PRH1: variants seen among roughly 807,000 people sequenced by gnomAD.
PRH1 encodes salivary acidic proline-rich phosphoprotein 1/2.
Under a neutral mutation model 7.9 loss-of-function variants are expected in PRH1, and 7 were observed. That is an observed-to-expected ratio of 0.89 (90% confidence interval 0.50 to 1.67). The LOEUF (loss-of-function observed/expected upper bound fraction) is 1.67. PRH1 is among the 40% of genes most tolerant of loss of function. PRH1 has a pLI of 0.00. For missense variants in PRH1, 109 were observed against 223.6 expected (o/e 0.49, Z 3.27); for synonymous variants, 45 against 80.8 (o/e 0.56, Z 2.38).
intron 1 of PRH1, among the ~76,000 whole-genome samples, chr12:11,027,348 C>CT (rs2136088883): frequency 6.6e-6 from 1 of 150,892 alleles, no homozygotes; most frequent in East Asian, 1.9e-4. Flanking sequence ...GTAAAATACT[C>CT]TAACGATGAA....
chr12:11,037,379 G>A (rs1293471107), intron 1 of PRH1, among the ~76,000 whole-genome samples: 8 of 152,162 alleles, frequency 5.3e-5, no homozygotes, highest in Admixed American at 2.6e-4. Context: ...TAAAAAATTT[G>A]CCTTTCTATG....
intron 1 of PRH1, among the ~76,000 whole-genome samples, chr12:10,992,973 A>C (rs1940015193): frequency 1.3e-5 from 2 of 152,186 alleles, no homozygotes; most frequent in African/African-American, 4.8e-5. Context: ...GCATTGTCCA[A>C]GGAATAGAAT....
At chr12:11,060,977 C>T (rs1203732244) in intron 1 of PRH1, among the ~76,000 whole-genome samples, 4 of 152,202 alleles carry the variant, frequency 2.6e-5, no homozygotes, top group Admixed American at 1.3e-4. Flanking sequence ...AATGTCTTTC[C>T]TGAGATAAGC....
At chr12:11,131,369 T>G (rs1480452936) in intron 1 of PRH1, among the ~76,000 whole-genome samples, 2 of 149,684 alleles carry the variant, frequency 1.3e-5, no homozygotes, top group East Asian at 2.0e-4. Flanking sequence ...ACATCGGTTC[T>G]TGTCTCAATT....
rs183174341 is a variant in PRH1 at position 10,909,471 on chromosome 12, T to C, written c.-58-25196A>G. The C allele has an allele frequency of 1.4e-3, 842 of 596,416 alleles. 1 individual carries two copies. The highest frequency in any genetic ancestry group is 2.1e-3 in the Non-Finnish European group (706 of 330,388). 36.9% of individuals were successfully genotyped at this position (596,416 alleles called of 1,614,324 possible). On this transcript the variant is annotated intron_variant, in intron 2 of 3. Coordinates refer to the PRH1 transcript ENST00000539853. ...GAAATCTCTAAAGTTTGCTGATCGA[T>C]CTTCACATAACTGTTCTGGTGATAT...
At chr12:10,923,093 G>C (rs1188412584) in intron 2 of PRH1, among the ~76,000 whole-genome samples, 1 of 150,350 alleles carries the variant, frequency 6.7e-6, no homozygotes, top group Non-Finnish European at 1.5e-5. Flanking sequence ...CTCCCAAAGT[G>C]CTGGGATTAC....
At position 10,985,869 on chromosome 12, in the gene PRH1, T is replaced by G. The variant is rs1411513357; in HGVS notation, c.-125-12148A>C. ...AGAAAAAACAGTAAAAAGTATAAAA[T>G]GTTCCAGACACTATCAGTTTGTTTT... On this transcript the variant is annotated intron_variant, in intron 1 of 3. Coordinates refer to the PRH1 transcript ENST00000539853. The G allele has an allele frequency of 5.4e-6, 7 of 1,302,538 alleles. No homozygotes were observed. The East Asian group carries it at 1.6e-4, about 30-fold the overall frequency. The allele number at this position is 1,302,538 out of a possible 1,614,324, so 80.7% of individuals were successfully genotyped here.
intron 1 of PRH1, among the ~76,000 whole-genome samples, chr12:10,983,192 G>T: frequency 6.6e-6 from 1 of 152,194 alleles, no homozygotes; most frequent in Non-Finnish European, 1.5e-5. Flanking sequence ...CGAATTAGTG[G>T]AAGACTATTC....
At chr12:11,144,614 T>C (rs938563560) in intron 1 of PRH1, among the ~76,000 whole-genome samples, 3 of 152,226 alleles carry the variant, frequency 2.0e-5, no homozygotes, top group African/African-American at 7.2e-5. Context: ...GCCAGGAGGC[T>C]TCTTGACCAG....
intron 2 of PRH1, among the ~76,000 whole-genome samples, chr12:10,942,997 G>C (rs370189212): frequency 3.3e-5 from 5 of 152,158 alleles, no homozygotes. Context: ...GTTGTGTTTG[G>C]GGGCAGAGGA....
At chr12:10,907,265 T>C (rs527471212) in intron 2 of PRH1, among the ~76,000 whole-genome samples, 7 of 152,280 alleles carry the variant, frequency 4.6e-5, no homozygotes, top group Admixed American at 2.6e-4. Flanking sequence ...AGTGAGGAAA[T>C]TGTATATCCA....
chr12:11,074,786 T>C (rs1451763234), intron 1 of PRH1, among the ~76,000 whole-genome samples: 1 of 115,502 alleles, frequency 8.7e-6, no homozygotes, highest in East Asian at 2.1e-4. Flanking sequence ...AAAATAACTT[T>C]GGCCAAAGGT....
intron 1 of PRH1, among the ~76,000 whole-genome samples, chr12:11,053,692 A>G (rs1327319729): frequency 6.6e-6 from 1 of 152,288 alleles, no homozygotes; most frequent in Non-Finnish European, 1.5e-5. Flanking sequence ...AGATGATGAT[A>G]ATAATGATGA....
At chr12:11,103,783 GCA>G (rs1475065422) in intron 1 of PRH1, among the ~76,000 whole-genome samples, 1 of 152,012 alleles carries the variant, frequency 6.6e-6, no homozygotes, top group African/African-American at 2.4e-5. Context: ...AAATTTCTAA[GCA>G]CACAATAAAT....
intron 1 of PRH1, among the ~76,000 whole-genome samples, chr12:11,153,047 G>A (rs900119023): frequency 2.0e-5 from 3 of 152,068 alleles, no homozygotes; most frequent in South Asian, 2.1e-4. Flanking sequence ...CCTGGCATGC[G>A]GTGACACAAC....
rs770816299 is a variant in PRH1, at chr12:10,882,300, G to A, written c.499C>T (p.Pro167Ser). Residue 167 changes from proline to serine, a missense_variant, in exon 3 of 4, where the codon CCC becomes TCC. Around this residue, in one of 3 missense-constraint regions of PRH1, gnomAD observed 45 missense variants for 88.8 expected, o/e 0.51. Transcript: ENST00000543626. ...CCCCCTTGGGGAGGTGGTCCCTGGG[G>A]CTTTCCAGGAGGAGGTGGGGGAGGA... ...QGPPPPPPGK[P>S]QGPPPQGGRP... 2.5e-6 allele frequency: 4 copies of A among 1,610,508 alleles called. No individual in the cohort carries two copies. The South Asian group carries it at 3.3e-5, about 13-fold the overall frequency.
Position 11,088,904 on chromosome 12 carries a change from C to T in PRH1, n.124-41716G>A, listed in dbSNP as rs1944794515. 1.7e-5 allele frequency among the ~76,000 whole-genome samples: 2 copies of T among 115,520 alleles called. 1 individual carries two copies. Among genetic ancestry groups the T allele is most frequent in the Non-Finnish European group, 4.1e-5 (2 of 48,744 alleles). The allele number at this position is 115,520 out of a possible 152,430, so 75.8% of individuals were successfully genotyped here. ...AATCCCTATGGAATTAGTGCAAGAA[C>T]ATTCCCTCTTCAGCAGAGGAGTATC... On this transcript the variant is annotated intron_variant and non_coding_transcript_variant, in intron 1 of 4. Transcript: ENST00000541977.
At chr12:10,979,408 A>G (rs1364219852) in intron 1 of PRH1, among the ~76,000 whole-genome samples, 4 of 152,196 alleles carry the variant, frequency 2.6e-5, no homozygotes, top group Non-Finnish European at 5.9e-5. Context: ...CACAAGTATG[A>G]AGTCCCTGAG....
intron 1 of PRH1, among the ~76,000 whole-genome samples, chr12:11,003,238 A>G (rs1420312587): frequency 6.6e-6 from 1 of 152,034 alleles, no homozygotes; most frequent in East Asian, 1.9e-4. Context: ...ATGTAAGAAT[A>G]TATTGTTTCA....
Sources: allele counts gnomAD v4.1 joint callset (sites outside exome capture counted in the v4.1 genomes callset), GRCh38; gene constraint gnomAD v4.1.1; regional missense constraint gnomAD v4.1.1; transcripts MANE v1.5; gene names NCBI Gene and HGNC (gene_info 2026-07-23, HGNC 2026-07-21).